Variants in SYN3 observed in about 807,000 individuals in gnomAD.
SYN3 encodes synapsin III, also known as synapsin-3.
In SYN3, 35 loss-of-function variants were observed where a neutral mutation model predicts 65.8. The observed-to-expected ratio is 0.53, with a 90% CI of 0.41 to 0.70. The LOEUF (loss-of-function observed/expected upper bound fraction) is 0.70, where lower values mean the gene tolerates loss of function less well. Among genes scored for constraint, SYN3 ranks in the 30% least tolerant of loss-of-function variants. SYN3 has a pLI of 0.00. For synonymous variants in SYN3, 270 were observed against 292.9 expected (o/e 0.92, Z 0.80); for missense variants, 680 against 749.0 (o/e 0.91, Z 1.08).
intron 6 of SYN3, among the ~76,000 whole-genome samples, chr22:32,678,401 C>T (rs965907087): frequency 4.6e-5 from 7 of 152,134 alleles, no homozygotes; most frequent in East Asian, 1.9e-4. Context: ...TCACACAGAA[C>T]GCCCCAGCCA....
intron 1 of SYN3, among the ~76,000 whole-genome samples, chr22:33,055,885 T>G (rs757832312): frequency 2.5e-4 from 38 of 152,190 alleles, no homozygotes; most frequent in South Asian, 6.2e-4. Flanking sequence ...GCCTACTCCT[T>G]AAGAGACACT....
chr22:33,055,237 C>T (rs972954115), intron 1 of SYN3, among the ~76,000 whole-genome samples: 3 of 152,204 alleles, frequency 2.0e-5, no homozygotes, highest in Admixed American at 1.3e-4. Flanking sequence ...TTCAATGATT[C>T]GTTTGTTGCA....
chr22:32,766,104 G>C (rs568539943), intron 6 of SYN3, among the ~76,000 whole-genome samples: 1 of 152,326 alleles, frequency 6.6e-6, no homozygotes, highest in African/African-American at 2.4e-5. Flanking sequence ...GAGAACTGGA[G>C]GAGGTATTTG....
chr22:32,893,775 C>A (rs1314917695), intron 4 of SYN3, among the ~76,000 whole-genome samples: 1 of 152,024 alleles, frequency 6.6e-6, no homozygotes, highest in Admixed American at 6.6e-5. Flanking sequence ...CTTCAATATC[C>A]CCTTCTTCGC....
chr22:32,959,165 T>C (rs748078781), intron 3 of SYN3, among the ~76,000 whole-genome samples: 4 of 152,102 alleles, frequency 2.6e-5, no homozygotes, highest in Non-Finnish European at 5.9e-5. Context: ...ACTATTCTCA[T>C]GGTAGTTGAT....
chr22:32,526,918 A>C (rs746629080), intron 12 of SYN3, among the ~76,000 whole-genome samples: 11 of 152,166 alleles, frequency 7.2e-5, no homozygotes, highest in Non-Finnish European at 1.2e-4. Context: ...CTGGTGCCAG[A>C]GCGAGTGTGC....
At chr22:32,932,577 G>C (rs2050663311) in intron 3 of SYN3, among the ~76,000 whole-genome samples, 1 of 152,216 alleles carries the variant, frequency 6.6e-6, no homozygotes, top group African/African-American at 2.4e-5. Flanking sequence ...GCAGGGGCAA[G>C]AGATGGGGAT....
intron 12 of SYN3, among the ~76,000 whole-genome samples, chr22:32,525,056 A>G (rs1421117095): frequency 6.6e-6 from 1 of 152,254 alleles, no homozygotes; most frequent in Non-Finnish European, 1.5e-5. Flanking sequence ...TGCCATAGAC[A>G]GTGATTCCTC....
intron 6 of SYN3, among the ~76,000 whole-genome samples, chr22:32,624,207 T>A (rs1399638693): frequency 1.3e-5 from 2 of 152,192 alleles, no homozygotes; most frequent in Non-Finnish European, 2.9e-5. Flanking sequence ...AAGTCAGGGT[T>A]TGGAACGGTG....
rs1450044028 is a variant in SYN3 at position 32,541,599 on chromosome 22, T to C, written c.889A>G (p.Lys297Glu). 6.2e-7 allele frequency: 1 copy of C among 1,613,922 alleles called. No individual in the cohort carries two copies. The highest frequency in any genetic ancestry group is 8.5e-7 in the Non-Finnish European group (1 of 1,180,014). The change falls in exon 8 of 14, where the codon AAA (lysine) becomes GAA (glutamate). Residue 297 changes from lysine to glutamate, a missense_variant. Lys to Glu is a moderately conservative substitution (Grantham distance 56). Coordinates refer to ENST00000358763, the MANE Select transcript of SYN3 (RefSeq NM_003490.4). Reference sequence around the variant, plus strand: ...TAAGCCTTGTAGTTGGATCCAATTTTCTGGATGCGGATGTCGTACTTGGAG... The same window carrying C: ...TAAGCCTTGTAGTTGGATCCAATTTCCTGGATGCGGATGTCGTACTTGGAG... ...IDSKYDIRIQ[K>E]IGSNYKAYMR...
intron 6 of SYN3, among the ~76,000 whole-genome samples, chr22:32,738,060 A>G (rs1267343500): frequency 6.6e-6 from 1 of 152,170 alleles, no homozygotes; most frequent in Non-Finnish European, 1.5e-5. Flanking sequence ...TCCTGGTAGT[A>G]ATACGGTCAT....
intron 6 of SYN3, among the ~76,000 whole-genome samples, chr22:32,739,319 C>T (rs148205074): frequency 1.0e-3 from 159 of 152,128 alleles, no homozygotes; most frequent in Middle Eastern, 3.5e-3. Context: ...TTTTGCCTTC[C>T]GCCATGATTG....
intron 7 of SYN3, among the ~76,000 whole-genome samples, chr22:32,569,400 A>AATCTATCTATCTATCTATCT (rs60525962): frequency 3.5e-5 from 5 of 143,970 alleles, no homozygotes; most frequent in Admixed American, 7.0e-5. Flanking sequence ...CTCCATCCAA[A>AATCTATCTATCTATCTATCT]ATCTATCTAT....
chr22:32,977,206 G>A (rs1041579989), intron 3 of SYN3, among the ~76,000 whole-genome samples: 7 of 152,210 alleles, frequency 4.6e-5, no homozygotes, highest in Non-Finnish European at 7.3e-5. Context: ...GTTTCTCAGT[G>A]TGATTGTAGA....
At chr22:32,944,413 C>G (rs2051039474) in intron 3 of SYN3, among the ~76,000 whole-genome samples, 1 of 152,128 alleles carries the variant, frequency 6.6e-6, no homozygotes, top group Non-Finnish European at 1.5e-5. Flanking sequence ...AAACGTAATC[C>G]AGCATATAAA....
intron 6 of SYN3, among the ~76,000 whole-genome samples, chr22:32,752,355 G>A (rs2045153999): frequency 6.6e-6 from 1 of 152,036 alleles, no homozygotes; most frequent in Non-Finnish European, 1.5e-5. Flanking sequence ...CCAAACATTT[G>A]CTCTCCTCAC....
intron 6 of SYN3, among the ~76,000 whole-genome samples, chr22:32,611,086 G>A (rs761342116): frequency 7.9e-5 from 12 of 152,114 alleles, no homozygotes; most frequent in Non-Finnish European, 1.2e-4. Flanking sequence ...CTTTGGCAAC[G>A]CCCTGGATCA....
intron 6 of SYN3, among the ~76,000 whole-genome samples, chr22:32,648,063 C>T (rs9609611): frequency 0.089 from 13,547 of 151,942 alleles, 712 homozygotes; most frequent in South Asian, 0.23. Context: ...GGTGTCTCAC[C>T]ACATTGCCTA....
At chr22:32,973,858 C>T (rs192857369) in intron 3 of SYN3, among the ~76,000 whole-genome samples, 10 of 152,348 alleles carry the variant, frequency 6.6e-5, no homozygotes, top group Admixed American at 5.2e-4. Flanking sequence ...GGACGATCTT[C>T]GCCCACTGCA....
Sources: gnomAD v4.1 joint callset for allele counts (sites outside exome capture counted in the v4.1 genomes callset) on GRCh38, gnomAD v4.1.1 for gene constraint, MANE v1.5 for transcripts, NCBI Gene and HGNC (gene_info 2026-07-23, HGNC 2026-07-21) for gene names.